The following CCDC198 variants were observed in gnomAD, a reference collection of about 807,000 sequenced individuals.
The protein encoded by CCDC198 is coiled-coil domain containing 198, also known as factor associated with metabolism and energy.
A neutral mutation model predicts 35.6 loss-of-function variants in CCDC198; 18 were observed. The observed-to-expected ratio is 0.51, with a 90% CI of 0.35 to 0.75. The LOEUF (loss-of-function observed/expected upper bound fraction) is 0.75, where lower values mean the gene tolerates loss of function less well. Among genes scored for constraint, CCDC198 ranks in the 30% least tolerant of loss-of-function variants. The pLI is 0.01. For synonymous variants in CCDC198, 119 were observed against 113.4 expected (o/e 1.05, Z -0.31); for missense variants, 365 against 343.7 (o/e 1.06, Z -0.49).
In CCDC198 at chr14:57,483,075, T is replaced by G. The variant is rs367641569; in HGVS notation, c.383A>C (p.His128Pro). ...LLSQREARTM[H>P]KAKQVLEKKM... ...ACTGCTGCAGCTCACCTTTGCTTTG[T>G]GCATTGTCCTGGCTTCTCGCTGGCT... is the stretch of plus-strand genomic sequence containing the variant. The change falls in exon 3 of 6, where the codon CAC becomes CCC. Residue 128 changes from histidine to proline, a missense_variant. Physicochemically the swap from His to Pro is moderately conservative, Grantham distance 77 (BLOSUM62 -2). Coordinates refer to ENST00000216445, the MANE Select transcript of CCDC198 (RefSeq NM_018168.4). 1.3e-5 allele frequency: 21 copies of G among 1,613,966 alleles called. No homozygotes were observed. In the African/African-American group the frequency reaches 2.3e-4, roughly 17 times the overall value.
intron 2 of CCDC198, among the ~76,000 whole-genome samples, chr14:57,484,843 G>T (rs1448368781): frequency 1.3e-5 from 2 of 152,204 alleles, no homozygotes; most frequent in Non-Finnish European, 2.9e-5. Flanking sequence ...TTTAAAAAGG[G>T]TCATGCTGGC....
At chr14:57,479,047 A>G (rs2067098220) in intron 5 of CCDC198, 5 of 1,284,412 alleles carry the variant, frequency 3.9e-6, no homozygotes, top group Non-Finnish European at 5.1e-6. Flanking sequence ...CAAACAAGGA[A>G]AACTTAATGG....
chr14:57,474,523 G>GT (rs2066911222), intron 5 of CCDC198, among the ~76,000 whole-genome samples: 1 of 152,180 alleles, frequency 6.6e-6, no homozygotes, highest in South Asian at 2.1e-4. Context: ...CAGGTCTAAT[G>GT]TTAGTGTATG....
At chr14:57,479,034 A>T (rs1288023350) in intron 5 of CCDC198, 23 of 1,289,170 alleles carry the variant, frequency 1.8e-5, no homozygotes, top group Non-Finnish European at 2.3e-5. Context: ...CCCTGGGGAA[A>T]TACAAACAAG....
intron 2 of CCDC198, among the ~76,000 whole-genome samples, chr14:57,488,426 C>T (rs2067442979): frequency 6.6e-6 from 1 of 152,130 alleles, no homozygotes; most frequent in African/African-American, 2.4e-5. Flanking sequence ...TACAGGTCTG[C>T]AGTAGCAGGG....
rs1402150231 is a variant in CCDC198 at position 57,470,957 on chromosome 14, G to C, written c.*398C>G. The C allele has an allele frequency of 5.9e-6, 1 of 170,020 alleles. No homozygotes were observed. The highest frequency in any genetic ancestry group is 1.7e-4 in the East Asian group (1 of 5,878). The allele number at this position is 170,020 out of a possible 1,614,324, so 10.5% of individuals were successfully genotyped here. ...AAGAGATCATATGCAGATGCTCTGA[G>C]GCTACATGGATAGGGGGCAAGGTCC... On this transcript the variant is annotated 3_prime_UTR_variant, in exon 6 of 6. Transcript: ENST00000216445.
Position 57,471,522 on chromosome 14 carries a change from T to A in CCDC198, c.724A>T (p.Lys242Ter), listed in dbSNP as rs1221475870. The A allele has an allele frequency of 6.2e-7, 1 of 1,613,678 alleles. No individual in the cohort carries two copies. Among genetic ancestry groups the A allele is most frequent in the Non-Finnish European group, 8.5e-7 (1 of 1,179,720 alleles). The change falls in exon 6 of 6, where the codon AAA becomes TAA. Residue 242 changes from lysine (K) to a stop codon, truncating the protein, a stop_gained. Transcript: ENST00000216445. LOFTEE classifies it high-confidence loss of function. ...TGTTCATGAAGCCATGTTTCCATTT[T>A]GCCAATTTTCCAGGGACAGTAGTTA... ...VNNYCPWKIG[K>*]METWLHEQEA...
intron 2 of CCDC198, among the ~76,000 whole-genome samples, chr14:57,487,599 C>A (rs1169359975): frequency 6.6e-6 from 1 of 152,154 alleles, no homozygotes; most frequent in Non-Finnish European, 1.5e-5. Context: ...AGTTCCCTGG[C>A]AGAGGCTCTC....
At chr14:57,471,705 G>T (rs2066824671) in intron 5 of CCDC198, 115 bp from the exon 6 acceptor site, 3 of 262,304 alleles carry the variant, frequency 1.1e-5, no homozygotes, top group African/African-American at 2.6e-5. Flanking sequence ...TATATACATA[G>T]TTTGAAAAAT....
At chr14:57,474,177 C>T (rs903083437) in intron 5 of CCDC198, among the ~76,000 whole-genome samples, 5 of 152,206 alleles carry the variant, frequency 3.3e-5, no homozygotes, top group Non-Finnish European at 7.3e-5. Context: ...CAATGCCTGG[C>T]ACTTGGTATG....
At position 57,491,021 on chromosome 14, in the gene CCDC198, T is replaced by C. The variant is rs2139565593; in HGVS notation, c.274A>G (p.Ile92Val). Residue 92 changes from isoleucine to valine, a missense_variant, in exon 2 of 6, where the codon ATT becomes GTT. Ile to Val is a conservative substitution (Grantham distance 29, BLOSUM62 3). Transcript: ENST00000216445. ...DIPLEHRETS[I>V]IKRHPPQRLQ... ...CTTTGGGGTGGATGCCTTTTAATAA[T>C]ACTTGTTTCTCTGTGTTCCAGTGGG... 1.9e-6 allele frequency: 3 copies of C among 1,609,052 alleles called. No individual in the cohort carries two copies. Among genetic ancestry groups the C allele is most frequent in the East Asian group, 2.2e-5 (1 of 44,780 alleles).
At chr14:57,474,311 C>A (rs2066905446) in intron 5 of CCDC198, among the ~76,000 whole-genome samples, 1 of 152,162 alleles carries the variant, frequency 6.6e-6, no homozygotes, top group African/African-American at 2.4e-5. Flanking sequence ...TTCATTGGGG[C>A]TCAGGAATGC....
At chr14:57,480,531 AG>A in intron 5 of CCDC198, 63 bp downstream of exon 5, 1 of 1,556,896 alleles carries the variant, frequency 6.4e-7, no homozygotes, top group Non-Finnish European at 8.8e-7. Context: ...CTCCCTTGGT[AG>A]TTTATTTGAT....
At chr14:57,474,313 C>T (rs1271252368) in intron 5 of CCDC198, among the ~76,000 whole-genome samples, 1 of 152,190 alleles carries the variant, frequency 6.6e-6, no homozygotes, top group African/African-American at 2.4e-5. Context: ...CATTGGGGCT[C>T]AGGAATGCCA....
intron 3 of CCDC198, 47 bp from the exon 4 acceptor site, chr14:57,481,707 C>A (rs368038381): frequency 8.5e-7 from 1 of 1,175,274 alleles, no homozygotes; most frequent in African/African-American, 1.5e-5. Context: ...TTGTTACTGA[C>A]TCTGCAATTC....
In CCDC198 at chr14:57,480,393, T is replaced by C. The variant is rs919687954; in HGVS notation, c.655+202A>G. On this transcript the variant is annotated intron_variant, in intron 5 of 5. Transcript: ENST00000216445. ...CCATACAAAGAAAGAGACATTTAAT[T>C]ACCAAGCTTAAGCTTCTGTCTTTTC... 13 of 815,916 alleles carry C rather than the reference T, an allele frequency of 1.6e-5. No individual in the cohort carries two copies. The Middle Eastern group carries it at 2.5e-3, about 154-fold the overall frequency. The allele number at this position is 815,916 out of a possible 1,614,324, so 50.5% of individuals were successfully genotyped here.
intron 5 of CCDC198, among the ~76,000 whole-genome samples, chr14:57,476,578 A>G (rs1370976481): frequency 1.3e-5 from 2 of 152,202 alleles, no homozygotes; most frequent in African/African-American, 2.4e-5. Flanking sequence ...TTGTATATGT[A>G]ATTTATTATA....
At chr14:57,491,324 G>C (rs2067561073) in intron 1 of CCDC198, among the ~76,000 whole-genome samples, 2 of 151,972 alleles carry the variant, frequency 1.3e-5, no homozygotes, top group African/African-American at 4.8e-5. Flanking sequence ...TCATACTTAG[G>C]GGGAGAGTTA....
rs567920746 is a variant in CCDC198, at chr14:57,490,784, C to T, written c.306+205G>A. 3.9e-5 allele frequency among the ~76,000 whole-genome samples: 6 copies of T among 152,146 alleles called. 1 individual carries two copies. Among genetic ancestry groups the T allele is most frequent in the African/African-American group, 9.6e-5 (4 of 41,550 alleles). On this transcript the variant is annotated intron_variant, in intron 2 of 5. Transcript: ENST00000216445. ...CTATGTCCTTGCTACTAGCTTCTTT[C>T]GGTGGCTGGTCTTAAAAGCGAAATC...
Sources: allele counts gnomAD v4.1 joint callset (sites outside exome capture counted in the v4.1 genomes callset), GRCh38; gene constraint gnomAD v4.1.1; transcripts MANE v1.5; gene names NCBI Gene and HGNC (gene_info 2026-07-23, HGNC 2026-07-21).